Variants in OGDH observed in about 807,000 individuals in gnomAD.
OGDH encodes oxoglutarate dehydrogenase, also known as 2-oxoglutarate dehydrogenase complex component E1.
Under a neutral mutation model 116.6 loss-of-function variants are expected in OGDH, and 38 were observed. That is an observed-to-expected ratio of 0.33 (90% CI 0.25 to 0.43). OGDH has a LOEUF of 0.43. Among genes scored for constraint, OGDH ranks in the 20% least tolerant of loss-of-function variants. OGDH has a pLI of 1.00. For synonymous variants in OGDH, 488 were observed against 533.3 expected, an observed-to-expected ratio of 0.92 and a Z score of 1.17; for missense variants, 825 against 1,357.2, an observed-to-expected ratio of 0.61 and a Z score of 6.16.
chr7:44,692,231 T>G (rs1307460463), intron 10 of OGDH, among the ~76,000 whole-genome samples: 2 of 152,158 alleles, frequency 1.3e-5, no homozygotes, highest in East Asian at 3.8e-4. Context: ...AACATTGTGT[T>G]TACCACAAAT....
Position 44,694,638 on chromosome 7 carries a change from G to T in OGDH, c.1668+62G>T. 1.3e-6 allele frequency: 2 copies of T among 1,583,696 alleles called. No individual in the cohort carries two copies. Among genetic ancestry groups the T allele is most frequent in the Non-Finnish European group, 1.7e-6 (2 of 1,155,704 alleles). ...AGGGCTGGCGATGACTAGAAAAGGT[G>T]GGCCACAGGGCCAGTTCTCACTTTT... On this transcript the variant is annotated intron_variant, in intron 12 of 22. Coordinates refer to ENST00000222673, the MANE Select transcript of OGDH (RefSeq NM_002541.4). The surrounding 1 kb of genome is among the most constrained non-coding windows in gnomAD (Gnocchi z 4.2).
At chr7:44,702,011 C>A (rs1272864455) in intron 20 of OGDH, among the ~76,000 whole-genome samples, 2 of 150,224 alleles carry the variant, frequency 1.3e-5, no homozygotes, top group East Asian at 3.9e-4. Flanking sequence ...GTGGACGTTG[C>A]AGTGAGCTGC....
chr7:44,692,782 C>G (rs1409197226), intron 10 of OGDH, among the ~76,000 whole-genome samples: 1 of 152,052 alleles, frequency 6.6e-6, no homozygotes. Flanking sequence ...CACCTGTAAT[C>G]CCAGCATTTT....
At chr7:44,683,726 T>C (rs1267747999) in intron 10 of OGDH, among the ~76,000 whole-genome samples, 1 of 152,244 alleles carries the variant, frequency 6.6e-6, no homozygotes, top group Non-Finnish European at 1.5e-5. Context: ...AAATGGACTC[T>C]TAGGATTCTC....
chr7:44,654,437 G>A (rs2115900090), intron 4 of OGDH, among the ~76,000 whole-genome samples: 1 of 152,242 alleles, frequency 6.6e-6, no homozygotes, highest in Non-Finnish European at 1.5e-5. Flanking sequence ...ATATCCTCCT[G>A]ACCTTCCAGG....
At chr7:44,632,704 G>A (rs990917375) in intron 2 of OGDH, among the ~76,000 whole-genome samples, 3 of 151,840 alleles carry the variant, frequency 2.0e-5, no homozygotes, top group South Asian at 2.1e-4. Flanking sequence ...TGCAACCTCC[G>A]CCTCCCCGGG....
chr7:44,639,642 A>C (rs979811709), intron 2 of OGDH, among the ~76,000 whole-genome samples: 5 of 152,070 alleles, frequency 3.3e-5, no homozygotes, highest in African/African-American at 1.2e-4. Context: ...CAATTCAAAA[A>C]CCTTTTAGTA....
At chr7:44,676,266 T>C (rs1165348935) in intron 9 of OGDH, 117 bp downstream of exon 9, 1 of 1,563,490 alleles carries the variant, frequency 6.4e-7, no homozygotes, top group Non-Finnish European at 8.7e-7. Flanking sequence ...AAAAAAATAT[T>C]TAAAGTCGGC....
At chr7:44,687,082 T>A (rs377408804) in intron 10 of OGDH, among the ~76,000 whole-genome samples, 10,100 of 146,160 alleles carry the variant, frequency 0.069, 352 homozygotes, top group Middle Eastern at 0.097. Flanking sequence ...TTTAAAAAAA[T>A]TTTTTTTAAT....
At chr7:44,664,878 A>G (rs1368918972) in intron 4 of OGDH, among the ~76,000 whole-genome samples, 2 of 152,224 alleles carry the variant, frequency 1.3e-5, no homozygotes, top group South Asian at 2.1e-4. Context: ...GATAGAAGTG[A>G]AAGACCATCA....
At chr7:44,646,947 T>C (rs921579621) in intron 3 of OGDH, among the ~76,000 whole-genome samples, 1 of 152,220 alleles carries the variant, frequency 6.6e-6, no homozygotes, top group Non-Finnish European at 1.5e-5. Context: ...AAAATTTTTC[T>C]TTAAATTTGA....
At chr7:44,682,785 C>T (rs1241431579) in intron 10 of OGDH, among the ~76,000 whole-genome samples, 1 of 151,508 alleles carries the variant, frequency 6.6e-6, no homozygotes, top group East Asian at 1.9e-4. Context: ...CCTGGGAGGT[C>T]GAGGCTGCAG....
chr7:44,646,003 G>C (rs891496750), intron 3 of OGDH, among the ~76,000 whole-genome samples: 10 of 152,202 alleles, frequency 6.6e-5, no homozygotes, highest in African/African-American at 2.2e-4. Flanking sequence ...TGAGCCTACA[G>C]AGAGTGATGA....
At chr7:44,644,909 G>A (rs915631078) in intron 2 of OGDH, among the ~76,000 whole-genome samples, 3 of 152,148 alleles carry the variant, frequency 2.0e-5, no homozygotes, top group Admixed American at 1.3e-4. Context: ...TAGACAGAAG[G>A]TCAAGAGATC....
intron 18 of OGDH, among the ~76,000 whole-genome samples, chr7:44,698,596 G>T (rs529957548): frequency 1.9e-4 from 29 of 152,206 alleles, no homozygotes; most frequent in African/African-American, 6.5e-4. Context: ...CCCTGAGGAG[G>T]AGAGAACTTT....
intron 2 of OGDH, among the ~76,000 whole-genome samples, chr7:44,632,991 C>T (rs924457981): frequency 6.6e-6 from 1 of 151,718 alleles, no homozygotes; most frequent in Non-Finnish European, 1.5e-5. Flanking sequence ...CAGTGGCTCA[C>T]GCCTGTAATC....
rs747468245 is a variant in OGDH, at chr7:44,696,949, G to T, written c.1936G>T (p.Val646Leu). 17 of 1,613,968 alleles carry T rather than the reference G, an allele frequency of 1.1e-5. No homozygotes were observed. In the Admixed American group the frequency reaches 1.7e-4, roughly 16 times the overall value. The change falls in exon 15 of 23, where the codon GTG (valine) becomes TTG (leucine). Residue 646 changes from valine to leucine, a missense_variant. Coordinates refer to ENST00000222673, the MANE Select transcript of OGDH (RefSeq NM_002541.4). ...GATCTTGAAGACTCGTGGGGAAATG[G>T]TGAAGAACCGGACTGTGGACTGGGC... ...SRILKTRGEM[V>L]KNRTVDWALA...
At chr7:44,614,976 A>G (rs1426441447) in intron 1 of OGDH, among the ~76,000 whole-genome samples, 5 of 151,780 alleles carry the variant, frequency 3.3e-5, no homozygotes, top group Non-Finnish European at 5.9e-5. Flanking sequence ...GATTACAGGC[A>G]TGTGCCACCA....
chr7:44,651,916 G>A (rs1190599570), intron 4 of OGDH, among the ~76,000 whole-genome samples: 1 of 151,674 alleles, frequency 6.6e-6, no homozygotes, highest in Non-Finnish European at 1.5e-5. Flanking sequence ...TGCCCAGGCT[G>A]TTCTCAAACT....
Sources: allele counts gnomAD v4.1 joint callset (sites outside exome capture counted in the v4.1 genomes callset), GRCh38; gene constraint gnomAD v4.1.1; non-coding constraint Gnocchi (gnomAD v3.1); transcripts MANE v1.5; gene names NCBI Gene and HGNC (gene_info 2026-07-23, HGNC 2026-07-21).